The following GBF1 variants were observed in gnomAD, a reference collection of about 807,000 sequenced individuals.
GBF1 encodes golgi brefeldin A resistant guanine nucleotide exchange factor 1.
Under a neutral mutation model 210.5 loss-of-function variants are expected in GBF1, and 114 were observed. The ratio of observed to expected loss-of-function variants is 0.54; its 90% CI spans 0.47 to 0.63. The LOEUF is 0.63. Among genes scored for constraint, GBF1 ranks in the 30% least tolerant of loss-of-function variants. The probability of loss-of-function intolerance (pLI) is 0.00; values close to 1 mark genes in which losing one functional copy is unlikely to be tolerated. For synonymous variants in GBF1, 850 were observed against 889.2 expected (o/e 0.96, Z 0.78); for missense variants, 1,851 against 2,357.7 (o/e 0.79, Z 4.45).
intron 3 of GBF1, among the ~76,000 whole-genome samples, chr10:102,283,674 A>T (rs1428164326): frequency 6.6e-6 from 1 of 152,208 alleles, no homozygotes; most frequent in African/African-American, 2.4e-5. Context: ...AGACAAAGTG[A>T]CAATATGAAG....
At chr10:102,374,181 C>T (rs1210852153) in intron 29 of GBF1, among the ~76,000 whole-genome samples, 1 of 151,984 alleles carries the variant, frequency 6.6e-6, no homozygotes, top group Non-Finnish European at 1.5e-5. Flanking sequence ...GAAACCCCAT[C>T]TCTACTAAAA....
chr10:102,282,275 G>A (rs1412905727), intron 3 of GBF1, among the ~76,000 whole-genome samples: 1 of 152,056 alleles, frequency 6.6e-6, no homozygotes, highest in Non-Finnish European at 1.5e-5. Flanking sequence ...TCACAAGATA[G>A]ACTGTGCCTT....
intron 6 of GBF1, 112 bp from the exon 7 acceptor site, chr10:102,352,346 G>A (rs1589745422): frequency 3.8e-6 from 3 of 786,856 alleles, no homozygotes; most frequent in East Asian, 2.5e-5. Context: ...GTTTTAATAA[G>A]TTTGGCATAA....
chr10:102,306,573 G>A (rs2077897971), intron 3 of GBF1, among the ~76,000 whole-genome samples: 1 of 152,192 alleles, frequency 6.6e-6, no homozygotes, highest in African/African-American at 2.4e-5. Flanking sequence ...ACAGGCGCCT[G>A]ACACCAAGCC....
intron 8 of GBF1, 128 bp from the exon 9 acceptor site, chr10:102,357,911 A>G (rs2059384135): frequency 1.4e-6 from 1 of 700,370 alleles, no homozygotes; most frequent in Admixed American, 2.2e-5. Context: ...GATGGTCTAG[A>G]GTCTTACTTT....
At chr10:102,305,610 CAAAAAAA>C (rs769935816) in intron 3 of GBF1, among the ~76,000 whole-genome samples, 82 of 142,782 alleles carry the variant, frequency 5.7e-4, no homozygotes, top group African/African-American at 2.0e-3. Flanking sequence ...ACTCCATCTC[CAAAAAAA>C]AAAGAAAAAA....
the GBF1 span, among the ~76,000 whole-genome samples, chr10:102,237,933 G>T: frequency 6.6e-6 from 1 of 151,862 alleles, no homozygotes; most frequent in Non-Finnish European, 1.5e-5. Context: ...AGGGGTCACT[G>T]GAGGCTTGTA....
chr10:102,302,866 G>A (rs1446388814), intron 3 of GBF1, among the ~76,000 whole-genome samples: 14 of 151,974 alleles, frequency 9.2e-5, no homozygotes, highest in Admixed American at 9.2e-4. Flanking sequence ...CCATGATGAA[G>A]AATTACGTGG....
At chr10:102,331,335 A>G (rs997069479) in intron 3 of GBF1, among the ~76,000 whole-genome samples, 2 of 152,132 alleles carry the variant, frequency 1.3e-5, no homozygotes, top group African/African-American at 4.8e-5. Flanking sequence ...ATGCTCCATA[A>G]AGTACTTATC....
At chr10:102,296,838 A>G (rs560871488) in intron 3 of GBF1, among the ~76,000 whole-genome samples, 31 of 152,134 alleles carry the variant, frequency 2.0e-4, no homozygotes, top group Non-Finnish European at 4.1e-4. Flanking sequence ...TGAGGCTAGA[A>G]GTTCAAGATC....
intron 17 of GBF1, 84 bp from the exon 18 acceptor site, chr10:102,365,313 T>G (rs1047872725): frequency 1.0e-6 from 1 of 970,400 alleles, no homozygotes; most frequent in African/African-American, 1.6e-5. Flanking sequence ...TGACCAACTG[T>G]GGGTGGGCTA....
rs777610235 is a variant in GBF1, at chr10:102,376,268, A to G, written c.3887-4A>G. The G allele has an allele frequency of 1.2e-6, 2 of 1,612,632 alleles. No individual in the cohort carries two copies. On this transcript the variant is annotated splice_polypyrimidine_tract_variant and splice_region_variant and intron_variant, in intron 30 of 39. Coordinates refer to ENST00000369983, the MANE Select transcript of GBF1 (RefSeq NM_001377137.1). ...GACTCTGCCCTTCTCCCTGCCTACC[A>G]TAGGGGCCCAGTCAGATAGTGAGCT...
intron 3 of GBF1, among the ~76,000 whole-genome samples, chr10:102,324,281 G>A (rs1473432593): frequency 6.6e-6 from 1 of 152,208 alleles, no homozygotes; most frequent in Non-Finnish European, 1.5e-5. Flanking sequence ...GAATGGGTGT[G>A]AAATTTAGTC....
At chr10:102,237,919 C>A in the GBF1 span, among the ~76,000 whole-genome samples, 694 of 151,994 alleles carry the variant, frequency 4.6e-3, 9 homozygotes, top group African/African-American at 0.015. Flanking sequence ...ATGCACCAAG[C>A]AGTAGGGGTC....
chr10:102,292,631 G>A (rs1239279258), intron 3 of GBF1, among the ~76,000 whole-genome samples: 1 of 152,178 alleles, frequency 6.6e-6, no homozygotes, highest in Admixed American at 6.5e-5. Context: ...GTCTCCTAAA[G>A]TGCTGGGATT....
chr10:102,374,728 T>C (rs974776118), intron 29 of GBF1, among the ~76,000 whole-genome samples: 4 of 152,236 alleles, frequency 2.6e-5, no homozygotes, highest in Non-Finnish European at 4.4e-5. Flanking sequence ...ACAGGAAATC[T>C]GAATAAGATC....
chr10:102,371,883 C>T (rs556462470), intron 29 of GBF1, among the ~76,000 whole-genome samples: 4 of 149,762 alleles, frequency 2.7e-5, no homozygotes, highest in South Asian at 2.1e-4. Context: ...GCTGAGATCG[C>T]GCCACTGCAC....
intron 3 of GBF1, among the ~76,000 whole-genome samples, chr10:102,277,728 A>C (rs979606814): frequency 3.9e-5 from 6 of 152,220 alleles, no homozygotes; most frequent in Non-Finnish European, 8.8e-5. Context: ...TCCTAAGAAC[A>C]AGGATATTCT....
chr10:102,281,243 T>G (rs1018301413), intron 3 of GBF1, among the ~76,000 whole-genome samples: 1 of 152,104 alleles, frequency 6.6e-6, no homozygotes, highest in African/African-American at 2.4e-5. Flanking sequence ...AATAATTACG[T>G]AAAGAAAATC....
Sources: gnomAD v4.1 joint callset for allele counts (sites outside exome capture counted in the v4.1 genomes callset) on GRCh38, gnomAD v4.1.1 for gene constraint, MANE v1.5 for transcripts, NCBI Gene and HGNC (gene_info 2026-07-23, HGNC 2026-07-21) for gene names.